Variants in DCP1A observed in about 807,000 individuals in gnomAD.
DCP1A encodes mRNA-decapping enzyme 1A.
Under a neutral mutation model 58.0 loss-of-function variants are expected in DCP1A, and 20 were observed. The observed-to-expected ratio is 0.34, with a 90% CI of 0.24 to 0.50. DCP1A has a LOEUF of 0.50. Ranked by LOEUF, DCP1A falls within the 20% of genes least tolerant of loss-of-function variation. The pLI is 0.98. For synonymous variants in DCP1A, 285 were observed against 275.1 expected, an observed-to-expected ratio of 1.04 and a Z score of -0.36; for missense variants, 613 against 712.2, an observed-to-expected ratio of 0.86 and a Z score of 1.59.
chr3:53,290,302 T>C (rs1037876763), intron 8 of DCP1A, among the ~76,000 whole-genome samples: 1 of 152,192 alleles, frequency 6.6e-6, no homozygotes, highest in Non-Finnish European at 1.5e-5. Flanking sequence ...ATAGTGGCTC[T>C]GCCACCTGGG....
In DCP1A at chr3:53,284,478, T is replaced by C. The variant is rs1051808182; in HGVS notation, c.*3102A>G. On this transcript the variant is annotated 3_prime_UTR_variant, in exon 10 of 10. Transcript: ENST00000610213. The stretch of plus-strand genomic sequence containing the variant: ...GACATGCAAAATCTGGTTAGACATA[T>C]ACTAAACTAAGCCTGTGTGTCCCCC... 1.3e-5 allele frequency: 2 copies of C among 149,908 alleles called. No homozygotes were observed. The highest frequency in any genetic ancestry group is 3.0e-5 in the Non-Finnish European group (2 of 67,576). The allele number at this position is 149,908 out of a possible 1,614,324, so 9.3% of individuals were successfully genotyped here. A position where few individuals can be genotyped will look rare whatever the true frequency, so the allele number is the denominator to read the frequency against.
chr3:53,344,678 C>T (rs1553692943), intron 2 of DCP1A, among the ~76,000 whole-genome samples: 5 of 152,120 alleles, frequency 3.3e-5, no homozygotes, highest in African/African-American at 1.2e-4. Flanking sequence ...TTTGAAATTG[C>T]TTTGCTAGGC....
intron 3 of DCP1A, among the ~76,000 whole-genome samples, chr3:53,324,008 A>G (rs1553690319): frequency 6.6e-6 from 1 of 152,232 alleles, no homozygotes; most frequent in Non-Finnish European, 1.5e-5. Flanking sequence ...ACTACTTATC[A>G]ATAATCAAAG....
chr3:53,332,722 G>A (rs968205450), intron 3 of DCP1A, among the ~76,000 whole-genome samples: 7 of 151,980 alleles, frequency 4.6e-5, no homozygotes, highest in African/African-American at 9.7e-5. Context: ...AAAATTAGCC[G>A]GGTGTGGTGG....
chr3:53,315,527 T>A (rs1390946967), intron 4 of DCP1A, among the ~76,000 whole-genome samples: 4 of 113,360 alleles, frequency 3.5e-5, no homozygotes, highest in African/African-American at 1.3e-4. Flanking sequence ...AGAGCAAGAC[T>A]CTGTCTCAAA....
chr3:53,333,520 G>A (rs903530968), intron 3 of DCP1A, among the ~76,000 whole-genome samples: 16 of 152,020 alleles, frequency 1.1e-4, no homozygotes, highest in African/African-American at 3.9e-4. Context: ...TTTATTGTCT[G>A]TGGCCAGATG....
chr3:53,304,216 G>C lies in DCP1A; in HGVS notation c.585C>G (p.Thr195=). The change falls in exon 6 of 10, where the codon ACC becomes ACG. Residue 195 remains threonine, a synonymous_variant. Coordinates refer to ENST00000610213, the MANE Select transcript of DCP1A (RefSeq NM_018403.7). The part of the protein sequence containing the change: ...PSTQLSNLGS[T]ETLEEMPSGS... ...CGGAGGGCATTTCTTCTAGAGTCTCGGTGCTTCCCAGATTGGAGAGCTGAG... is the reference window on the plus strand; with the variant it reads ...CGGAGGGCATTTCTTCTAGAGTCTCCGTGCTTCCCAGATTGGAGAGCTGAG... 6.2e-7 allele frequency: 1 copy of C among 1,613,624 alleles called. No homozygotes were observed. The highest frequency in any genetic ancestry group is 8.5e-7 in the Non-Finnish European group (1 of 1,179,778).
chr3:53,290,922 T>A, intron 7 of DCP1A, 66 bp from the exon 8 acceptor site: 1 of 1,389,382 alleles, frequency 7.2e-7, no homozygotes, highest in Non-Finnish European at 1.0e-6. Context: ...CTTCCTAGTC[T>A]TAATTGAAAA....
chr3:53,305,895 TAAAA>T (rs1419564902), intron 5 of DCP1A, among the ~76,000 whole-genome samples: 1 of 152,172 alleles, frequency 6.6e-6, no homozygotes, highest in Non-Finnish European at 1.5e-5. Flanking sequence ...ATCTTGTTCT[TAAAA>T]AGAATCCTCA....
At chr3:53,342,944 TA>T (rs1266386650) in intron 2 of DCP1A, among the ~76,000 whole-genome samples, 2 of 152,200 alleles carry the variant, frequency 1.3e-5, no homozygotes, top group Non-Finnish European at 2.9e-5. Context: ...ATCATTACAA[TA>T]ATGTTTTTCT....
chr3:53,288,275 G>A lies in DCP1A; in HGVS notation c.1458C>T (p.Gly486=), dbSNP rs371858151. 23 of 1,608,252 alleles carry A rather than the reference G, an allele frequency of 1.4e-5. No homozygotes were observed. The African/African-American group carries it at 1.6e-4, about 11-fold the overall frequency. Residue 486 remains glycine (G), a synonymous_variant, in exon 9 of 10, where the codon GGC becomes GGT. Coordinates refer to ENST00000610213, the MANE Select transcript of DCP1A (RefSeq NM_018403.7). The part of the protein sequence containing the change: ...KVLSSAIPVA[G]APLVTATTTA... ...TGGTCGTTGCAGTAACCAGTGGGGC[G>A]CCTGCAACCTGGAGAGTGACAATGG...
intron 3 of DCP1A, among the ~76,000 whole-genome samples, chr3:53,327,175 G>C (rs1708133591): frequency 6.6e-6 from 1 of 152,086 alleles, no homozygotes; most frequent in Admixed American, 6.6e-5. Context: ...AAAAGGGGGG[G>C]AACTTCTTTT....
At chr3:53,291,520 C>T (rs1706875083) in intron 7 of DCP1A, among the ~76,000 whole-genome samples, 2 of 151,770 alleles carry the variant, frequency 1.3e-5, no homozygotes, top group South Asian at 4.2e-4. Flanking sequence ...CTTCTATTCT[C>T]TATCTCCATG....
chr3:53,293,836 A>C (rs1351566095), intron 6 of DCP1A, among the ~76,000 whole-genome samples: 2 of 152,194 alleles, frequency 1.3e-5, no homozygotes, highest in African/African-American at 4.8e-5. Flanking sequence ...CCATTTGATA[A>C]AAATTCTTGA....
At chr3:53,326,068 TAGGAC>T (rs149923928) in intron 3 of DCP1A, among the ~76,000 whole-genome samples, 2,593 of 152,310 alleles carry the variant, frequency 0.017, 73 homozygotes, top group African/African-American at 0.059. Context: ...TTAAAAGACT[TAGGAC>T]AGGTAATTTT....
chr3:53,319,469 C>A lies in DCP1A; in HGVS notation c.309G>T (p.Ser103=). 1.3e-6 allele frequency: 2 copies of A among 1,550,756 alleles called. No homozygotes were observed. The highest frequency in any genetic ancestry group is 1.4e-5 in the African/African-American group (1 of 73,378). The change falls in exon 4 of 10, where the codon TCG becomes TCT. Residue 103 remains serine, a synonymous_variant. Coordinates refer to ENST00000610213, the MANE Select transcript of DCP1A (RefSeq NM_018403.7). The stretch of plus-strand genomic sequence containing the variant: ...TGTCATAAAACCAGATACTATATAT[C>A]GACACTTGAAAAACAAAGGGAAAAA... The part of the protein sequence containing the change: ...PFLLYRNASL[S]IYSIWFYDKN...
At chr3:53,331,379 A>G (rs1450354775) in intron 3 of DCP1A, among the ~76,000 whole-genome samples, 1 of 152,212 alleles carries the variant, frequency 6.6e-6, no homozygotes, top group Non-Finnish European at 1.5e-5. Flanking sequence ...CTGCATACCT[A>G]ACAGTGGTCT....
intron 3 of DCP1A, among the ~76,000 whole-genome samples, chr3:53,334,026 C>A (rs544766170): frequency 1.4e-5 from 2 of 144,892 alleles, no homozygotes; most frequent in African/African-American, 4.9e-5. Context: ...CTTTGGGAGG[C>A]CAAGACAGGA....
intron 8 of DCP1A, among the ~76,000 whole-genome samples, chr3:53,288,697 T>C (rs1351750105): frequency 1.3e-5 from 2 of 152,120 alleles, no homozygotes; most frequent in African/African-American, 4.8e-5. Flanking sequence ...ATTGATTGGG[T>C]TGCCCAAGGG....
Sources: allele counts gnomAD v4.1 joint callset (sites outside exome capture counted in the v4.1 genomes callset), GRCh38; gene constraint gnomAD v4.1.1; transcripts MANE v1.5; gene names NCBI Gene and HGNC (gene_info 2026-07-23, HGNC 2026-07-21).